Variants in PDE10A observed in about 807,000 individuals in gnomAD.
PDE10A encodes the protein phosphodiesterase 10A.
Under a neutral mutation model 97.7 loss-of-function variants are expected in PDE10A, and 39 were observed. The observed-to-expected ratio is 0.40, with a 90% CI of 0.31 to 0.52. The LOEUF (loss-of-function observed/expected upper bound fraction) is 0.52, where lower values mean the gene tolerates loss of function less well. PDE10A is among the 20% of genes least tolerant of loss of function. PDE10A has a pLI of 0.56. For missense variants in PDE10A, 731 were observed against 1,047.8 expected, an observed-to-expected ratio of 0.70 and a Z score of 4.17; for synonymous variants, 371 against 376.8, an observed-to-expected ratio of 0.98 and a Z score of 0.18.
At chr6:165,850,177 G>A (rs1326906336) in intron 1 of PDE10A, among the ~76,000 whole-genome samples, 2 of 152,308 alleles carry the variant, frequency 1.3e-5, no homozygotes, top group East Asian at 3.9e-4. Flanking sequence ...CAGGCTGCTG[G>A]GCCAGGCGCT....
At chr6:165,537,811 A>G (rs1299868114) in intron 2 of PDE10A, among the ~76,000 whole-genome samples, 1 of 122 alleles carries the variant, frequency 8.2e-3, no homozygotes, top group Non-Finnish European at 0.016. Context: ...TCTGTGTAAG[A>G]ATGTAATTTA....
chr6:165,764,157 C>T (rs1793318579), intron 1 of PDE10A, among the ~76,000 whole-genome samples: 2 of 152,196 alleles, frequency 1.3e-5, no homozygotes, highest in Non-Finnish European at 2.9e-5. Flanking sequence ...AGGCTCTTGG[C>T]TCTGCCTGGG....
intron 13 of PDE10A, among the ~76,000 whole-genome samples, chr6:165,397,955 T>C (rs1308329595): frequency 1.3e-5 from 2 of 152,174 alleles, no homozygotes; most frequent in South Asian, 4.1e-4. Flanking sequence ...TACATAGAAA[T>C]CAGAAACATT....
intron 1 of PDE10A, among the ~76,000 whole-genome samples, chr6:165,742,793 C>T (rs145479797): frequency 6.6e-6 from 1 of 152,110 alleles, no homozygotes; most frequent in Admixed American, 6.5e-5. Context: ...TCTTCCACCC[C>T]CTACGTCCCA....
In PDE10A at chr6:165,689,054, G is replaced by T. The variant is rs141173545; in HGVS notation, c.-614-145486C>A. Among the ~76,000 whole-genome samples the T allele has an allele frequency of 1.6e-3, 250 of 152,354 alleles. 1 individual carries two copies. The highest frequency in any genetic ancestry group is 0.014 in the Middle Eastern group (4 of 294). On this transcript the variant is annotated intron_variant, in intron 1 of 19. Transcript: ENST00000366882. ...ACCCTCCATTGGCACGGCTTATGCA[G>T]GATATAAATGGAATTCATGTAGAAT... is the stretch of plus-strand genomic sequence containing the variant.
In PDE10A at chr6:165,520,833, T is replaced by A. The variant is rs1387161339; in HGVS notation, c.994+22607A>T. Among the ~76,000 whole-genome samples, 3 of 152,186 alleles carry A rather than the reference T, an allele frequency of 2.0e-5. No homozygotes were observed. In the East Asian group the frequency reaches 5.8e-4, roughly 29 times the overall value. ...GTATTGGGTGGACTGGACAATTACA[T>A]CCCCAGAAACAGACCAGTGAGAAAA... is the stretch of plus-strand genomic sequence containing the variant. On this transcript the variant is annotated intron_variant, in intron 2 of 21. Coordinates refer to ENST00000539869, the MANE Select transcript of PDE10A (RefSeq NM_001385079.1).
Position 165,373,138 on chromosome 6 carries a change from C to T in PDE10A, c.2783+6056G>A, listed in dbSNP as rs1168586228. 4.0e-5 allele frequency among the ~76,000 whole-genome samples: 6 copies of T among 150,904 alleles called. No individual in the cohort carries two copies. The East Asian group carries it at 1.2e-3, about 29-fold the overall frequency. ...AACCATAAAAACCCTAGAAGAAAAC[C>T]TAGGCATTACCATTCAGGACATAGG... On this transcript the variant is annotated intron_variant, in intron 18 of 21. Transcript: ENST00000539869.
chr6:165,660,734 G>A lies in PDE10A; in HGVS notation c.865+1213C>T, dbSNP rs79794026. 1,401 of 152,764 alleles carry A rather than the reference G, an allele frequency of 9.2e-3. 6 individuals are homozygous for A. Among genetic ancestry groups the A allele is most frequent in the Non-Finnish European group, 0.012 (822 of 68,082 alleles). The allele number at this position is 152,764 out of a possible 1,614,324, so 9.5% of individuals were successfully genotyped here. On this transcript the variant is annotated intron_variant, in intron 1 of 21. Transcript: ENST00000539869. The stretch of plus-strand genomic sequence containing the variant: ...ACCGAAACAGCAATCCTGGAAGAGC[G>A]TCGGCCCAGAGAAGGCGCCGCGGAA...
chr6:165,388,291 G>T lies in PDE10A; in HGVS notation c.2610+7C>A. 1 of 1,613,676 alleles carries T rather than the reference G, an allele frequency of 6.2e-7. No individual in the cohort carries two copies. The highest frequency in any genetic ancestry group is 8.5e-7 in the Non-Finnish European group (1 of 1,179,724). Reference sequence around the variant, plus strand: ...GACTAAGCGAGAGACGGCGTGCAGTGACTCACCTGGAGGATGGACACAGTC... The same window carrying T: ...GACTAAGCGAGAGACGGCGTGCAGTTACTCACCTGGAGGATGGACACAGTC... On this transcript the variant is annotated splice_region_variant and intron_variant, in intron 17 of 21. Coordinates refer to ENST00000539869, the MANE Select transcript of PDE10A (RefSeq NM_001385079.1). The surrounding 1 kb of genome is among the most constrained non-coding windows in gnomAD (Gnocchi z 4.0).
At chr6:165,824,172 A>C (rs1348514616) in intron 1 of PDE10A, among the ~76,000 whole-genome samples, 2 of 152,140 alleles carry the variant, frequency 1.3e-5, no homozygotes, top group Non-Finnish European at 2.9e-5. Context: ...CCTGGCACAT[A>C]GTAGGTGTTT....
intron 1 of PDE10A, among the ~76,000 whole-genome samples, chr6:165,615,091 T>C (rs1293895880): frequency 2.6e-5 from 4 of 151,470 alleles, no homozygotes; most frequent in African/African-American, 9.7e-5. Flanking sequence ...GCAGCTGTAA[T>C]TCTAGCTACT....
intron 1 of PDE10A, among the ~76,000 whole-genome samples, chr6:165,790,361 T>C (rs1778613959): frequency 1.3e-5 from 2 of 152,334 alleles, no homozygotes; most frequent in Admixed American, 1.3e-4. Context: ...GACTACTACA[T>C]GGAATATGCC....
At position 165,662,004 on chromosome 6, in the gene PDE10A, C is replaced by T; in HGVS notation, c.808G>A (p.Gly270Arg). ...AAGCAGCTCGCATTATTAGAAGGTCCATCTTCCATGTCGGAGCCGAAGAGC... is the reference window on the plus strand; with the variant it reads ...AAGCAGCTCGCATTATTAGAAGGTCTATCTTCCATGTCGGAGCCGAAGAGC... ...ALLFGSDMEDGPSNNASCFRR... is the reference protein window; with the variant it reads ...ALLFGSDMEDRPSNNASCFRR... Residue 270 changes from glycine to arginine, a missense_variant, in exon 1 of 22, where the codon GGA becomes AGA. Gly to Arg is a moderately radical substitution (Grantham distance 125). Coordinates refer to ENST00000539869, the MANE Select transcript of PDE10A (RefSeq NM_001385079.1). 6.8e-7 allele frequency: 1 copy of T among 1,469,270 alleles called. No individual in the cohort carries two copies. Among genetic ancestry groups the T allele is most frequent in the Non-Finnish European group, 9.3e-7 (1 of 1,080,872 alleles). 91.0% of individuals were successfully genotyped at this position (1,469,270 alleles called of 1,614,324 possible).
intron 1 of PDE10A, among the ~76,000 whole-genome samples, chr6:165,548,222 A>G (rs7745363): frequency 6.6e-6 from 1 of 151,002 alleles, no homozygotes; most frequent in Non-Finnish European, 1.5e-5. Context: ...ACTATCACAA[A>G]TAAAGAGAAA....
rs1322470716 is a variant in PDE10A at position 165,662,058 on chromosome 6, T to G, written c.754A>C (p.Ser252Arg). 1 of 1,443,298 alleles carries G rather than the reference T, an allele frequency of 6.9e-7. No homozygotes were observed. 89.4% of individuals were successfully genotyped at this position (1,443,298 alleles called of 1,614,324 possible). A position where few individuals can be genotyped will look rare whatever the true frequency, so the allele number is the denominator to read the frequency against. ...GQTPRRPQGA[S>R]FALAAAAALL... ...GCGGCCGCGGCGGCGAGGGCGAAGCTGGCGCCCTGGGGACGCCGCGGAGTT... is the reference window on the plus strand; with the variant it reads ...GCGGCCGCGGCGGCGAGGGCGAAGCGGGCGCCCTGGGGACGCCGCGGAGTT... Residue 252 changes from serine to arginine, a missense_variant, in exon 1 of 22, where the codon AGC becomes CGC. Coordinates refer to ENST00000539869, the MANE Select transcript of PDE10A (RefSeq NM_001385079.1).
intron 1 of PDE10A, chr6:165,986,513 G>GTCTCTGTCTCTCTCTCTC (rs1785224486): frequency 6.8e-6 from 1 of 146,058 alleles, no homozygotes; most frequent in African/African-American, 2.6e-5. Context: ...CTCTCTCTCT[G>GTCTCTGTCTCTCTCTCTC]TCTCTCTCTC....
intron 1 of PDE10A, among the ~76,000 whole-genome samples, chr6:165,976,330 CA>C (rs1784843774): frequency 6.6e-6 from 1 of 152,170 alleles, no homozygotes; most frequent in Admixed American, 6.6e-5. Context: ...GGCCTCTCAC[CA>C]TCTTTGTATA....
intron 13 of PDE10A, among the ~76,000 whole-genome samples, chr6:165,397,663 T>C (rs575809789): frequency 9.6e-4 from 131 of 136,580 alleles, no homozygotes; most frequent in African/African-American, 3.7e-3. Context: ...GATGGCGCCA[T>C]TGCACTCTAG....
At chr6:165,338,331 C>T (rs1781768688) in intron 20 of PDE10A, among the ~76,000 whole-genome samples, 2 of 152,150 alleles carry the variant, frequency 1.3e-5, no homozygotes, top group African/African-American at 4.8e-5. Flanking sequence ...CTTTTTTAAA[C>T]ATTTGTTAAA....
Sources: allele counts gnomAD v4.1 joint callset (sites outside exome capture counted in the v4.1 genomes callset), GRCh38; gene constraint gnomAD v4.1.1; non-coding constraint Gnocchi (gnomAD v3.1); transcripts MANE v1.5; gene names NCBI Gene and HGNC (gene_info 2026-07-23, HGNC 2026-07-21).